Variants in ZNF236 observed in about 807,000 individuals in gnomAD.
ZNF236 encodes the protein zinc finger protein 236.
A neutral mutation model predicts 191.2 loss-of-function variants in ZNF236; 50 were observed. The ratio of observed to expected loss-of-function variants is 0.26; its 90% CI spans 0.21 to 0.33. The LOEUF (loss-of-function observed/expected upper bound fraction) is 0.33, where lower values mean the gene tolerates loss of function less well. Ranked by LOEUF, ZNF236 falls within the 10% of genes least tolerant of loss-of-function variation. ZNF236 has a pLI of 1.00. For missense variants in ZNF236, 1,754 were observed against 2,374.5 expected, an observed-to-expected ratio of 0.74 and a Z score of 5.43; for synonymous variants, 907 against 928.8, an observed-to-expected ratio of 0.98 and a Z score of 0.43.
At chr18:76,823,906 G>T (rs1398664253) in intron 1 of ZNF236, among the ~76,000 whole-genome samples, 1 of 152,208 alleles carries the variant, frequency 6.6e-6, no homozygotes, top group South Asian at 2.1e-4. Flanking sequence ...TGCAGGCCTG[G>T]TCCCTGGTCC....
intron 26 of ZNF236, among the ~76,000 whole-genome samples, chr18:76,944,939 A>G (rs1968220461): frequency 6.6e-6 from 1 of 152,192 alleles, no homozygotes; most frequent in Non-Finnish European, 1.5e-5. Flanking sequence ...GATTCCACAT[A>G]CACTTACCCA....
chr18:76,897,338 C>T (rs1238640434), intron 10 of ZNF236, among the ~76,000 whole-genome samples: 1 of 151,394 alleles, frequency 6.6e-6, no homozygotes, highest in Non-Finnish European at 1.5e-5. Context: ...ATGCATGCTA[C>T]CAAACACAGT....
intron 18 of ZNF236, among the ~76,000 whole-genome samples, chr18:76,914,478 T>C (rs1967302136): frequency 6.6e-6 from 1 of 152,222 alleles, no homozygotes; most frequent in East Asian, 1.9e-4. Context: ...AACATTTGTT[T>C]TCCATTGTGG....
intron 13 of ZNF236, among the ~76,000 whole-genome samples, chr18:76,907,180 A>G (rs1977766286): frequency 6.6e-6 from 1 of 152,190 alleles, no homozygotes; most frequent in Non-Finnish European, 1.5e-5. Context: ...AGTAGTTATG[A>G]ATTGTCTATT....
intron 9 of ZNF236, chr18:76,886,298 C>T (rs188288636): frequency 3.3e-5 from 5 of 152,440 alleles, no homozygotes; most frequent in African/African-American, 9.6e-5. Flanking sequence ...TTCCGCTGCA[C>T]GCTTTTGCGC....
Position 76,960,957 on chromosome 18 carries a change from T to C in ZNF236, c.5419+102T>C, listed in dbSNP as rs1968652787. ...TTTAGTTCACACAGTGATTTTGCAT[T>C]GCACGTGGTACAGCCTCAGTTGTGT... On this transcript the variant is annotated intron_variant, in intron 30 of 30. Transcript: ENST00000320610. The surrounding 1 kb of genome is among the most constrained non-coding windows in gnomAD (Gnocchi z 4.4). 2 of 1,292,960 alleles carry C rather than the reference T, an allele frequency of 1.5e-6. No homozygotes were observed. The highest frequency in any genetic ancestry group is 3.0e-5 in the South Asian group (2 of 66,808). The allele number at this position is 1,292,960 out of a possible 1,614,324, so 80.1% of individuals were successfully genotyped here.
intron 7 of ZNF236, among the ~76,000 whole-genome samples, chr18:76,878,880 G>A (rs1440266479): frequency 6.6e-6 from 1 of 152,158 alleles, no homozygotes; most frequent in Non-Finnish European, 1.5e-5. Flanking sequence ...TGGAAAATAA[G>A]TCTAATTAAT....
chr18:76,896,830 C>T (rs1460248657), intron 10 of ZNF236, among the ~76,000 whole-genome samples: 1 of 151,782 alleles, frequency 6.6e-6, no homozygotes, highest in African/African-American at 2.4e-5. Context: ...CCACAGGGAC[C>T]ACACAGTACT....
chr18:76,890,495 A>G (rs1255154860), intron 9 of ZNF236, among the ~76,000 whole-genome samples: 1 of 152,230 alleles, frequency 6.6e-6, no homozygotes, highest in Non-Finnish European at 1.5e-5. Context: ...AAAAGGAATA[A>G]GTTTTGATAA....
chr18:76,937,839 T>C (rs900501818), intron 26 of ZNF236, among the ~76,000 whole-genome samples: 1 of 152,190 alleles, frequency 6.6e-6, no homozygotes, highest in Non-Finnish European at 1.5e-5. Context: ...CATTTTTAAA[T>C]GATTCGTTGA....
At position 76,925,724 on chromosome 18, in the gene ZNF236, C is replaced by G. The variant is rs1967659211; in HGVS notation, c.4027+170C>G. On this transcript the variant is annotated intron_variant, in intron 22 of 30. Coordinates refer to ENST00000320610, the MANE Select transcript of ZNF236 (RefSeq NM_001306089.2). This position sits in a 1 kb window ranked among gnomAD's most constrained non-coding sequence, Gnocchi z 5.7. Reference sequence around the variant, plus strand: ...AAAAATTGGAATTCCGTCTTGCAGACATTGCTCCTTTCCATTTCGCATTCT... The same window carrying G: ...AAAAATTGGAATTCCGTCTTGCAGAGATTGCTCCTTTCCATTTCGCATTCT... 6.6e-6 allele frequency among the ~76,000 whole-genome samples: 1 copy of G among 152,246 alleles called. No individual in the cohort carries two copies. Among genetic ancestry groups the G allele is most frequent in the African/African-American group, 2.4e-5 (1 of 41,468 alleles).
At chr18:76,901,423 T>C (rs1387861269) in intron 11 of ZNF236, among the ~76,000 whole-genome samples, 5 of 152,156 alleles carry the variant, frequency 3.3e-5, no homozygotes, top group Admixed American at 3.3e-4. Context: ...AACTCCAAAA[T>C]ACACAACAAA....
rs781145823 is a variant in ZNF236 at position 76,880,280 on chromosome 18, G to T, written c.1152G>T (p.Leu384=). 9.7e-5 allele frequency: 156 copies of T among 1,613,814 alleles called. No individual in the cohort carries two copies. Among genetic ancestry groups the T allele is most frequent in the Non-Finnish European group, 1.5e-5 (18 of 1,179,918 alleles). The change falls in exon 8 of 31, where the codon CTG becomes CTT. Residue 384 remains leucine (L), a synonymous_variant. Transcript: ENST00000320610. The surrounding 1 kb of genome is among the most constrained non-coding windows in gnomAD (Gnocchi z 5.0). ...AGTCCCCGCAGCCTGGGCAGCAGCT[G>T]AGCATCACAGTGGGCATCAACCAGG... ...SGQSPQPGQQ[L]SITVGINQDI...
Position 76,868,762 on chromosome 18 carries a change from G to A in ZNF236, c.441G>A (p.Gln147=), listed in dbSNP as rs1568203879. The change falls in exon 4 of 31, where the codon CAG becomes CAA. Residue 147 remains glutamine, a synonymous_variant. Coordinates refer to ENST00000320610, the MANE Select transcript of ZNF236 (RefSeq NM_001306089.2). ...QLAVHMEEHR[Q]ELAGTRQHAC... is the part of the protein sequence containing the mutation. ...CCGTGCACATGGAGGAGCACCGCCA[G>A]GAGCTGGCTGGAACCCGGCAGCATG... 6.2e-7 allele frequency: 1 copy of A among 1,613,968 alleles called. No homozygotes were observed. Among genetic ancestry groups the A allele is most frequent in the East Asian group, 2.2e-5 (1 of 44,882 alleles).
intron 20 of ZNF236, among the ~76,000 whole-genome samples, chr18:76,921,645 C>A (rs969989543): frequency 6.6e-6 from 1 of 151,608 alleles, no homozygotes; most frequent in African/African-American, 2.4e-5. Flanking sequence ...GGCGTGCCAG[C>A]CAATTAGCAG....
chr18:76,910,389 G>A (rs1057000440), intron 15 of ZNF236, among the ~76,000 whole-genome samples: 6 of 152,142 alleles, frequency 3.9e-5, no homozygotes, highest in Admixed American at 6.5e-5. Context: ...CATTCTACAC[G>A]TAGTTTCCAG....
intron 4 of ZNF236, among the ~76,000 whole-genome samples, chr18:76,870,246 C>T (rs1976542043): frequency 6.7e-6 from 1 of 148,568 alleles, no homozygotes; most frequent in Non-Finnish European, 1.5e-5. Flanking sequence ...TGGTACGCAC[C>T]TAATGCTTTA....
intron 9 of ZNF236, among the ~76,000 whole-genome samples, chr18:76,894,309 G>T (rs1032276764): frequency 6.6e-6 from 1 of 152,186 alleles, no homozygotes; most frequent in Non-Finnish European, 1.5e-5. Flanking sequence ...TCATCCCTTT[G>T]TCCCACGCAC....
intron 19 of ZNF236, among the ~76,000 whole-genome samples, chr18:76,917,696 G>A (rs1255063953): frequency 1.3e-5 from 2 of 152,048 alleles, no homozygotes; most frequent in Non-Finnish European, 2.9e-5. Context: ...GTTGTTCTCT[G>A]TCTCCAGTCT....
Sources: gnomAD v4.1 joint callset for allele counts (sites outside exome capture counted in the v4.1 genomes callset) on GRCh38, gnomAD v4.1.1 for gene constraint, Gnocchi (gnomAD v3.1) non-coding constraint, MANE v1.5 for transcripts, NCBI Gene and HGNC (gene_info 2026-07-23, HGNC 2026-07-21) for gene names.